The following SLC6A3 variants were observed in gnomAD, a reference collection of about 807,000 sequenced individuals.
SLC6A3 encodes solute carrier family 6 member 3, also known as sodium-dependent dopamine transporter.
Under a neutral mutation model 70.4 loss-of-function variants are expected in SLC6A3, and 19 were observed. The observed-to-expected ratio is 0.27, with a 90% CI of 0.19 to 0.40. The LOEUF (loss-of-function observed/expected upper bound fraction) is 0.40. Ranked by LOEUF, SLC6A3 falls within the 10% of genes least tolerant of loss-of-function variation. The pLI is 1.00. For synonymous variants in SLC6A3, 368 were observed against 356.6 expected (o/e 1.03, Z -0.36); for missense variants, 613 against 838.5 (o/e 0.73, Z 3.32).
In SLC6A3 at chr5:1,406,196, A is replaced by G. The variant is rs1441854461; in HGVS notation, c.1591T>C (p.Phe531Leu). 2 of 1,611,990 alleles carry G rather than the reference A, an allele frequency of 1.2e-6. No homozygotes were observed. Among genetic ancestry groups the G allele is most frequent in the African/African-American group, 1.3e-5 (1 of 74,914 alleles). ...GGCCCGAGGTCCCTTACCAGGAGAA[A>G]GCAGGGGCTGACCAGCTTCCAGCAC... ...RLCWKLVSPC[F>L]LLFVVVVSIV... The change falls in exon 12 of 15, where the codon TTT becomes CTT. Residue 531 changes from phenylalanine (F) to leucine (L), a missense_variant. Transcript: ENST00000270349. This position sits in a 1 kb window ranked among gnomAD's most constrained non-coding sequence, Gnocchi z 8.8.
Position 1,437,454 on chromosome 5 carries a change from A to C in SLC6A3, c.418+3905T>G, listed in dbSNP as rs1756865401. On this transcript the variant is annotated intron_variant, in intron 3 of 14. Transcript: ENST00000270349. The surrounding 1 kb of genome is among the most constrained non-coding windows in gnomAD (Gnocchi z 4.8). ...GAGAGGAAAGGAGGGAGAGAGACAG[A>C]AAGAGACACAGGGAGAGGGAAAGAG... Among the ~76,000 whole-genome samples the C allele has an allele frequency of 6.6e-6, 1 of 152,054 alleles. No homozygotes were observed. The highest frequency in any genetic ancestry group is 1.5e-5 in the Non-Finnish European group (1 of 67,992).
chr5:1,441,239 G>A (rs1038592962), intron 3 of SLC6A3, 120 bp downstream of exon 3: 2 of 1,224,122 alleles, frequency 1.6e-6, no homozygotes, highest in Non-Finnish European at 2.4e-6. Flanking sequence ...CGTGTGCCAT[G>A]CCTGTGTCTT....
Position 1,437,817 on chromosome 5 carries a change from G to A in SLC6A3, c.418+3542C>T, listed in dbSNP as rs1024451300. ...AATTGCCACCTGCTCAGGGCTGGATGGCCTTTTAGCTCCACAATGATTGTT... is the reference window on the plus strand; with the variant it reads ...AATTGCCACCTGCTCAGGGCTGGATAGCCTTTTAGCTCCACAATGATTGTT... On this transcript the variant is annotated intron_variant, in intron 3 of 14. Transcript: ENST00000270349. The surrounding 1 kb of genome is among the most constrained non-coding windows in gnomAD (Gnocchi z 4.8). Among the ~76,000 whole-genome samples the A allele has an allele frequency of 6.6e-6, 1 of 152,258 alleles. No homozygotes were observed. The highest frequency in any genetic ancestry group is 2.4e-5 in the African/African-American group (1 of 41,474).
intron 7 of SLC6A3, among the ~76,000 whole-genome samples, chr5:1,415,410 C>T (rs1182074280): frequency 6.6e-6 from 1 of 152,182 alleles, no homozygotes; most frequent in African/African-American, 2.4e-5. Context: ...CACCTGGACC[C>T]AGGTGGACGC....
At chr5:1,425,321 G>A (rs1343686960) in intron 4 of SLC6A3, among the ~76,000 whole-genome samples, 1 of 152,220 alleles carries the variant, frequency 6.6e-6, no homozygotes, top group Admixed American at 6.5e-5. Context: ...GCTTCCAAAG[G>A]ATAAAATTGT....
chr5:1,424,219 C>T (rs1262828742), intron 4 of SLC6A3, among the ~76,000 whole-genome samples: 2 of 152,226 alleles, frequency 1.3e-5, no homozygotes, highest in Non-Finnish European at 2.9e-5. Flanking sequence ...AAGGGCAAGC[C>T]GCTCAGTCAA....
intron 4 of SLC6A3, among the ~76,000 whole-genome samples, chr5:1,431,738 G>T: frequency 6.6e-6 from 1 of 150,888 alleles, no homozygotes; most frequent in East Asian, 2.0e-4. Flanking sequence ...GCTGGGGTGG[G>T]CAGTGAGGAA....
rs762377082 is a variant in SLC6A3, at chr5:1,443,234, C to T, written c.-37G>A. ...GAGTTGAGGAATTCTGTGCTTCTTC[C>T]CTCTTGGTCTTCAGCCAATATGAAA... On this transcript the variant is annotated 5_prime_UTR_variant, in exon 2 of 15. Transcript: ENST00000270349. 6.2e-7 allele frequency: 1 copy of T among 1,609,776 alleles called. No individual in the cohort carries two copies. The highest frequency in any genetic ancestry group is 1.3e-5 in the African/African-American group (1 of 74,862).
intron 7 of SLC6A3, 37 bp downstream of exon 7, chr5:1,416,061 T>C: frequency 6.8e-7 from 1 of 1,475,442 alleles, no homozygotes; most frequent in Non-Finnish European, 9.5e-7. Context: ...CTCCCTAGTA[T>C]TGATGAGGCC....
rs1248290927 is a variant in SLC6A3, at chr5:1,411,455, G to A, written c.1157-100C>T. 1.1e-5 allele frequency: 9 copies of A among 855,686 alleles called. No individual in the cohort carries two copies. Among genetic ancestry groups the A allele is most frequent in the Non-Finnish European group, 1.4e-5 (7 of 517,970 alleles). 53.0% of individuals were successfully genotyped at this position (855,686 alleles called of 1,614,324 possible). On this transcript the variant is annotated intron_variant, in intron 8 of 14. Coordinates refer to ENST00000270349, the MANE Select transcript of SLC6A3 (RefSeq NM_001044.5). The surrounding 1 kb of genome is among the most constrained non-coding windows in gnomAD (Gnocchi z 6.5). ...GAGAAGCATGGCCTGCCACAGGCCT[G>A]TAGAGACTAGGGCTGGTGCGGCTCT... is the stretch of plus-strand genomic sequence containing the variant.
chr5:1,415,440 G>A (rs145839207), intron 7 of SLC6A3, among the ~76,000 whole-genome samples: 49 of 152,300 alleles, frequency 3.2e-4, no homozygotes, highest in Middle Eastern at 3.4e-3. Flanking sequence ...GCGGGCAGGC[G>A]CTGCCTCAGG....
chr5:1,432,599 G>A lies in SLC6A3; in HGVS notation c.518C>T (p.Thr173Met), dbSNP rs776937052. ...GTTGCAGTGGATCCAGGGGAGCTCC[G>A]TGGTGAAGGAGGAGAAGAGATAGTG... Reference protein sequence around the residue: ...ALHYLFSSFTTELPWIHCNNS... With the variant: ...ALHYLFSSFTMELPWIHCNNS... The change falls in exon 4 of 15, where the codon ACG (threonine) becomes ATG (methionine). Residue 173 changes from threonine to methionine, a missense_variant. This residue lies in a region of SLC6A3 where 153 missense variants were observed against 249.4 expected (regional missense o/e 0.61). Transcript: ENST00000270349. 22 of 1,614,036 alleles carry A rather than the reference G, an allele frequency of 1.4e-5. No homozygotes were observed. In the Admixed American group the frequency reaches 1.5e-4, roughly 11 times the overall value.
intron 1 of SLC6A3, among the ~76,000 whole-genome samples, chr5:1,443,870 G>GTTT (rs928821508): frequency 2.0e-5 from 3 of 151,554 alleles, no homozygotes; most frequent in African/African-American, 4.9e-5. Flanking sequence ...TGTTGTTGTT[G>GTTT]TTTTTTTGTA....
chr5:1,433,003 C>A (rs569285622), intron 3 of SLC6A3, among the ~76,000 whole-genome samples: 3 of 152,048 alleles, frequency 2.0e-5, no homozygotes, highest in African/African-American at 7.2e-5. Context: ...AGAGCTATGG[C>A]GAGTATCCAG....
At position 1,443,049 on chromosome 5, in the gene SLC6A3, G is replaced by C. The variant is rs146798197; in HGVS notation, c.149C>G (p.Pro50Arg). ...CTGGGCCTCCACGGGGCTCTGCCGCGGGTTGGTGAGGGTGGAGCTGGTGAG... is the reference window on the plus strand; with the variant it reads ...CTGGGCCTCCACGGGGCTCTGCCGCCGGTTGGTGAGGGTGGAGCTGGTGAG... ...VQLTSSTLTN[P>R]RQSPVEAQDR... The change falls in exon 2 of 15, where the codon CCG becomes CGG. Residue 50 changes from proline (P) to arginine (R), a missense_variant. Coordinates refer to ENST00000270349, the MANE Select transcript of SLC6A3 (RefSeq NM_001044.5). 5.6e-6 allele frequency: 9 copies of C among 1,614,104 alleles called. No individual in the cohort carries two copies. The East Asian group carries it at 1.8e-4, about 32-fold the overall frequency.
chr5:1,427,915 C>T (rs1408745651), intron 4 of SLC6A3, among the ~76,000 whole-genome samples: 1 of 152,120 alleles, frequency 6.6e-6, no homozygotes, highest in Admixed American at 6.5e-5. Context: ...TTTCAGTACC[C>T]CTTTCTCAGT....
At chr5:1,403,218 C>A in intron 12 of SLC6A3, 129 bp from the exon 13 acceptor site, 1 of 1,047,844 alleles carries the variant, frequency 9.5e-7, no homozygotes, top group Non-Finnish European at 1.4e-6. Context: ...AGACCCCGGC[C>A]AGGCCTGCAG....
At chr5:1,435,737 TC>T in intron 3 of SLC6A3, among the ~76,000 whole-genome samples, 7 of 138,848 alleles carry the variant, frequency 5.0e-5, no homozygotes, top group Non-Finnish European at 1.1e-4. Context: ...TGGTGGCCAG[TC>T]CCCTCCTGGA....
chr5:1,399,299 GA>G (rs1391505019), intron 14 of SLC6A3, among the ~76,000 whole-genome samples: 2 of 152,024 alleles, frequency 1.3e-5, no homozygotes, highest in African/African-American at 4.8e-5. Flanking sequence ...AAAATACTAT[GA>G]AAAAAATACG....
Sources: allele counts gnomAD v4.1 joint callset (sites outside exome capture counted in the v4.1 genomes callset), GRCh38; gene constraint gnomAD v4.1.1; regional missense constraint gnomAD v4.1.1; non-coding constraint Gnocchi (gnomAD v3.1); transcripts MANE v1.5; gene names NCBI Gene and HGNC (gene_info 2026-07-23, HGNC 2026-07-21).